MDGA2: variants seen among roughly 807,000 people sequenced by gnomAD.
MDGA2 encodes the protein MAM domain-containing glycosylphosphatidylinositol anchor protein 2.
Under a neutral mutation model 117.8 loss-of-function variants are expected in MDGA2, and 40 were observed. That is an observed-to-expected ratio of 0.34 (90% CI 0.26 to 0.44). The LOEUF (loss-of-function observed/expected upper bound fraction) is 0.44. Ranked by LOEUF, MDGA2 falls within the 20% of genes least tolerant of loss-of-function variation. The pLI is 1.00. For synonymous variants in MDGA2, 452 were observed against 439.0 expected, an observed-to-expected ratio of 1.03 and a Z score of -0.37; for missense variants, 1,123 against 1,250.6, an observed-to-expected ratio of 0.90 and a Z score of 1.54.
At chr14:46,893,556 T>C (rs1185509404) in intron 10 of MDGA2, among the ~76,000 whole-genome samples, 4 of 152,024 alleles carry the variant, frequency 2.6e-5, no homozygotes, top group Non-Finnish European at 4.4e-5. Flanking sequence ...TATAAGAGAA[T>C]GAATACGTTA....
chr14:47,301,386 T>G, intron 2 of MDGA2, 25 bp downstream of exon 2: 1 of 1,550,444 alleles, frequency 6.4e-7, no homozygotes, highest in Non-Finnish European at 8.7e-7. Flanking sequence ...GAATGTTTTC[T>G]CCAGTGTCAC....
chr14:47,449,867 C>G (rs1485817301), intron 1 of MDGA2, among the ~76,000 whole-genome samples: 1 of 151,998 alleles, frequency 6.6e-6, no homozygotes, highest in Non-Finnish European at 1.5e-5. Context: ...AGAGTTGCTA[C>G]CTAAAAATGT....
chr14:47,512,968 A>T (rs1955779), intron 1 of MDGA2, among the ~76,000 whole-genome samples: 2 of 151,144 alleles, frequency 1.3e-5, no homozygotes, highest in African/African-American at 4.9e-5. Context: ...CCTTACATTC[A>T]CAAAGTTAGT....
intron 3 of MDGA2, among the ~76,000 whole-genome samples, chr14:47,177,459 T>C (rs1203915693): frequency 6.6e-6 from 1 of 152,202 alleles, no homozygotes; most frequent in Non-Finnish European, 1.5e-5. Context: ...CACCATGGAA[T>C]ACTATGCAGC....
chr14:46,843,628 C>G (rs555772340), intron 16 of MDGA2, among the ~76,000 whole-genome samples: 2 of 151,876 alleles, frequency 1.3e-5, no homozygotes, highest in Non-Finnish European at 2.9e-5. Flanking sequence ...TAACAATGAG[C>G]AAAATGGCTC....
intron 1 of MDGA2, among the ~76,000 whole-genome samples, chr14:47,489,560 A>C (rs1430313067): frequency 6.6e-6 from 1 of 152,120 alleles, no homozygotes; most frequent in East Asian, 1.9e-4. Flanking sequence ...AAAAGAAAAG[A>C]AGCAAATGGC....
intron 1 of MDGA2, among the ~76,000 whole-genome samples, chr14:47,313,621 G>C (rs544676100): frequency 6.6e-6 from 1 of 151,952 alleles, no homozygotes; most frequent in Non-Finnish European, 1.5e-5. Context: ...AAAAACAAGT[G>C]GTCTATACAT....
chr14:47,431,696 T>G (rs1892802829), intron 1 of MDGA2, among the ~76,000 whole-genome samples: 1 of 152,040 alleles, frequency 6.6e-6, no homozygotes, highest in Non-Finnish European at 1.5e-5. Flanking sequence ...CAAAAATAAG[T>G]TATACTTAAC....
At position 47,507,275 on chromosome 14, in the gene MDGA2, T is replaced by C. The variant is rs192675849; in HGVS notation, c.280+167242A>G. Among the ~76,000 whole-genome samples, 163 of 152,016 alleles carry C rather than the reference T, an allele frequency of 1.1e-3. 3 individuals are homozygous for C. Among genetic ancestry groups the C allele is most frequent in the Non-Finnish European group, 8.7e-4 (59 of 67,968 alleles). On this transcript the variant is annotated intron_variant, in intron 1 of 16. Coordinates refer to ENST00000399232, the MANE Select transcript of MDGA2 (RefSeq NM_001113498.3). ...GACTGGTTACTTTCAAATTAGGTAA[T>C]GGAATAAGGAAGAGGATTTAGAAGA...
rs544453373 is a variant in MDGA2 at position 46,964,059 on chromosome 14, T to G, written c.1820-6416A>C. Among the ~76,000 whole-genome samples the G allele has an allele frequency of 2.0e-4, 30 of 152,158 alleles. 1 individual carries two copies. The highest frequency in any genetic ancestry group is 1.4e-3 in the Admixed American group (22 of 15,274). ...AATTTCTGGGACCAGGACACAAGTG[T>G]CTGGCAGTTCCACTTCCTATCTTTT... On this transcript the variant is annotated intron_variant, in intron 8 of 16. Coordinates refer to ENST00000399232, the MANE Select transcript of MDGA2 (RefSeq NM_001113498.3).
At chr14:47,520,961 G>A (rs1216292343) in intron 1 of MDGA2, among the ~76,000 whole-genome samples, 4 of 152,146 alleles carry the variant, frequency 2.6e-5, no homozygotes, top group South Asian at 2.1e-4. Flanking sequence ...CAACTTACAC[G>A]AGAATTTTAT....
At chr14:47,199,269 A>T (rs924518252) in intron 3 of MDGA2, among the ~76,000 whole-genome samples, 1 of 152,124 alleles carries the variant, frequency 6.6e-6, no homozygotes, top group African/African-American at 2.4e-5. Context: ...TTAAATAAAG[A>T]CACATAAAAC....
At chr14:47,217,304 T>C (rs1257383015) in intron 3 of MDGA2, among the ~76,000 whole-genome samples, 2 of 151,910 alleles carry the variant, frequency 1.3e-5, no homozygotes, top group African/African-American at 4.8e-5. Context: ...AAAAACATAA[T>C]GAAGTGATAG....
intron 1 of MDGA2, among the ~76,000 whole-genome samples, chr14:47,442,852 C>T (rs1445787235): frequency 6.6e-6 from 1 of 152,082 alleles, no homozygotes; most frequent in African/African-American, 2.4e-5. Context: ...AAATCACATG[C>T]TGTTTTGAGT....
At chr14:47,385,382 GATAAAT>G (rs1891733934) in intron 1 of MDGA2, among the ~76,000 whole-genome samples, 1 of 151,648 alleles carries the variant, frequency 6.6e-6, no homozygotes, top group Non-Finnish European at 1.5e-5. Context: ...TGAAATATGT[GATAAAT>G]ATAATTTATT....
intron 1 of MDGA2, among the ~76,000 whole-genome samples, chr14:47,338,307 T>C (rs1224267593): frequency 2.0e-5 from 3 of 151,956 alleles, no homozygotes; most frequent in Non-Finnish European, 4.4e-5. Flanking sequence ...ATATTAAATA[T>C]GTAGCCTCTG....
chr14:47,059,851 T>C (rs959537810), intron 7 of MDGA2, among the ~76,000 whole-genome samples: 10 of 152,068 alleles, frequency 6.6e-5, no homozygotes, highest in Non-Finnish European at 1.5e-4. Context: ...TGAGGACAAA[T>C]TATCCTGGAT....
intron 1 of MDGA2, among the ~76,000 whole-genome samples, chr14:47,402,058 G>A (rs1163455632): frequency 2.6e-5 from 4 of 152,066 alleles, no homozygotes; most frequent in Non-Finnish European, 5.9e-5. Context: ...ATCTTATGTG[G>A]GCTAGGAGAA....
Position 46,877,514 on chromosome 14 carries a change from A to G in MDGA2, c.2417-5T>C. On this transcript the variant is annotated splice_region_variant and splice_polypyrimidine_tract_variant and intron_variant, in intron 11 of 16. Transcript: ENST00000399232. ...TCAAATGAGGATTTACAGGAGCTACAAGAAAAGCAAAAGAAACAAACAAAC... is the reference window on the plus strand; with the variant it reads ...TCAAATGAGGATTTACAGGAGCTACGAGAAAAGCAAAAGAAACAAACAAAC... 1 of 1,517,820 alleles carries G rather than the reference A, an allele frequency of 6.6e-7. No homozygotes were observed. Among genetic ancestry groups the G allele is most frequent in the Non-Finnish European group, 9.0e-7 (1 of 1,109,206 alleles). The allele number at this position is 1,517,820 out of a possible 1,614,324, so 94.0% of individuals were successfully genotyped here.
Sources: gnomAD v4.1 joint callset for allele counts (sites outside exome capture counted in the v4.1 genomes callset) on GRCh38, gnomAD v4.1.1 for gene constraint, MANE v1.5 for transcripts, NCBI Gene and HGNC (gene_info 2026-07-23, HGNC 2026-07-21) for gene names.